METTL2A: variants seen among roughly 807,000 people sequenced by gnomAD.
The protein encoded by METTL2A is methyltransferase 2A, tRNA N3-cytidine.
In METTL2A, 45 loss-of-function variants were observed where a neutral mutation model predicts 49.4. The ratio of observed to expected loss-of-function variants is 0.91; its 90% CI spans 0.72 to 1.17. The LOEUF (loss-of-function observed/expected upper bound fraction) is 1.17. METTL2A is among the 50% of genes most tolerant of loss of function. The pLI, the probability that METTL2A is intolerant of heterozygous loss-of-function variation, is 0.00. For missense variants in METTL2A, 361 were observed against 462.2 expected, an observed-to-expected ratio of 0.78 and a Z score of 2.01; for synonymous variants, 118 against 167.5, an observed-to-expected ratio of 0.70 and a Z score of 2.28.
In METTL2A at chr17:62,451,133, A is replaced by G. The variant is rs1408198784; in HGVS notation, c.*2404A>G. Among the ~76,000 whole-genome samples the G allele has an allele frequency of 2.1e-5, 3 of 140,952 alleles. No individual in the cohort carries two copies. Among genetic ancestry groups the G allele is most frequent in the African/African-American group, 7.7e-5 (3 of 39,198 alleles). The allele number at this position is 140,952 out of a possible 152,430, so 92.5% of individuals were successfully genotyped here. A position where few individuals can be genotyped will look rare whatever the true frequency, so the allele number is the denominator to read the frequency against. On this transcript the variant is annotated 3_prime_UTR_variant, in exon 9 of 9. Coordinates refer to ENST00000311506, the MANE Select transcript of METTL2A (RefSeq NM_181725.4). ...TCAAGACCAGGCTGGGTAATGTAGC[A>G]AGACCCTGACTTTTTTTTTTTTTTT...
chr17:62,424,344 G>C, intron 2 of METTL2A, 34 bp downstream of exon 2: 1 of 1,613,170 alleles, frequency 6.2e-7, no homozygotes, highest in South Asian at 1.1e-5. Flanking sequence ...GGTATCAACA[G>C]CCAGCGTACT....
At position 62,444,847 on chromosome 17, in the gene METTL2A, G is replaced by C. The variant is rs1465735693; in HGVS notation, c.820G>C (p.Ala274Pro). The C allele has an allele frequency of 1.9e-6, 3 of 1,613,840 alleles. No homozygotes were observed. The highest frequency in any genetic ancestry group is 1.7e-6 in the Non-Finnish European group (2 of 1,179,872). ...SAIVPDKMQK[A>P]INRLSRLLKP... ...CCTGCTGCTCCACAGGATGCAGAAG[G>C]CTATCAACAGGCTGAGCAGGCTTCT... is the stretch of plus-strand genomic sequence containing the variant. The change falls in exon 7 of 9, where the codon GCT (alanine) becomes CCT (proline). Residue 274 changes from alanine to proline, a missense_variant. By Grantham distance (27) the Ala-to-Pro change is conservative. Coordinates refer to ENST00000311506, the MANE Select transcript of METTL2A (RefSeq NM_181725.4).
In METTL2A at chr17:62,424,290, G is replaced by A. The variant is rs2070607905; in HGVS notation, c.182G>A (p.Arg61Gln). 4.3e-6 allele frequency: 7 copies of A among 1,613,846 alleles called. No homozygotes were observed. Among genetic ancestry groups the A allele is most frequent in the Non-Finnish European group, 5.1e-6 (6 of 1,179,912 alleles). ...AAAGTCCAGGAGAACAGTATCCAGCGGGTGTGCCAGGAGAAACAAGGTGCG... is the reference window on the plus strand; with the variant it reads ...AAAGTCCAGGAGAACAGTATCCAGCAGGTGTGCCAGGAGAAACAAGGTGCG... ...ERKVQENSIQ[R>Q]VCQEKQVDYE... The change falls in exon 2 of 9, where the codon CGG becomes CAG. Residue 61 changes from arginine to glutamine, a missense_variant. Physicochemically the swap from Arg to Gln is conservative, Grantham distance 43. Coordinates refer to ENST00000311506, the MANE Select transcript of METTL2A (RefSeq NM_181725.4).
In METTL2A at chr17:62,427,949, C is replaced by T. The variant is rs898135908; in HGVS notation, c.608+112C>T. ...ACTTTGGGAGGCCAAAGCAGGATTGCTTGAGGCCAGGAGTGTGAGACCAGC... is the reference window on the plus strand; with the variant it reads ...ACTTTGGGAGGCCAAAGCAGGATTGTTTGAGGCCAGGAGTGTGAGACCAGC... On this transcript the variant is annotated intron_variant, in intron 4 of 8. Transcript: ENST00000311506. The T allele has an allele frequency of 3.4e-6, 4 of 1,181,152 alleles. No individual in the cohort carries two copies. In the African/African-American group the frequency reaches 6.2e-5, roughly 18 times the overall value. The allele number at this position is 1,181,152 out of a possible 1,614,324, so 73.2% of individuals were successfully genotyped here.
At position 62,452,791 on chromosome 17, in the gene METTL2A, G is replaced by A. The variant is rs903175440; in HGVS notation, c.*4062G>A. Among the ~76,000 whole-genome samples, 1 of 152,006 alleles carries A rather than the reference G, an allele frequency of 6.6e-6. No homozygotes were observed. The highest frequency in any genetic ancestry group is 1.5e-5 in the Non-Finnish European group (1 of 67,998). ...ACCAAGCCTAATTTTTGTATTTTTT[G>A]TAGAGACAGGGTTTCATCATGTGTC... On this transcript the variant is annotated 3_prime_UTR_variant, in exon 9 of 9. Transcript: ENST00000311506.
chr17:62,440,724 C>T lies in METTL2A; in HGVS notation c.777C>T (p.Leu259=), dbSNP rs2070734037. The change falls in exon 6 of 9, where the codon CTC becomes CTT. Residue 259 remains leucine (L), a synonymous_variant. Transcript: ENST00000311506. ...VPKGSLDIII[L]IFVLSAIVPD... is the part of the protein sequence containing the mutation. ...AGGGCAGTCTTGATATTATCATTCT[C>T]ATATTTGTTCTTTCAGCAATTGTTC... 1 of 1,613,920 alleles carries T rather than the reference C, an allele frequency of 6.2e-7. No homozygotes were observed. Among genetic ancestry groups the T allele is most frequent in the Non-Finnish European group, 8.5e-7 (1 of 1,179,968 alleles).
At chr17:62,442,038 G>A (rs1366616922) in intron 6 of METTL2A, among the ~76,000 whole-genome samples, 3 of 152,110 alleles carry the variant, frequency 2.0e-5, no homozygotes, top group African/African-American at 7.2e-5. Flanking sequence ...ACAGGCGTGA[G>A]CCACCACGCC....
At chr17:62,440,823 A>G in intron 6 of METTL2A, 67 bp downstream of exon 6, 2 of 1,558,862 alleles carry the variant, frequency 1.3e-6, no homozygotes, top group Non-Finnish European at 1.7e-6. Flanking sequence ...CTTTTTTTTT[A>G]AAATAGGTTC....
rs1302847545 is a variant in METTL2A, at chr17:62,452,557, A to G, written c.*3828A>G. Among the ~76,000 whole-genome samples the G allele has an allele frequency of 2.0e-5, 3 of 152,148 alleles. No individual in the cohort carries two copies. The highest frequency in any genetic ancestry group is 7.2e-5 in the African/African-American group (3 of 41,428). ...CTGATTGGTTGGTATTTTGTACAGA[A>G]AAGCTTTCTCATATCTGATTTACTT... On this transcript the variant is annotated 3_prime_UTR_variant, in exon 9 of 9. Transcript: ENST00000311506.
chr17:62,439,169 C>A (rs558564893), intron 5 of METTL2A, among the ~76,000 whole-genome samples: 1 of 151,120 alleles, frequency 6.6e-6, no homozygotes, highest in African/African-American at 2.4e-5. Context: ...TTAGTAGAGA[C>A]GGGGTTTCAC....
intron 7 of METTL2A, among the ~76,000 whole-genome samples, chr17:62,446,749 G>A (rs2144158404): frequency 6.6e-6 from 1 of 152,324 alleles, no homozygotes. Context: ...GAGATGTTGT[G>A]CTTGTCACCT....
intron 5 of METTL2A, among the ~76,000 whole-genome samples, chr17:62,435,534 C>A (rs1026714944): frequency 6.6e-6 from 1 of 152,158 alleles, no homozygotes; most frequent in Non-Finnish European, 1.5e-5. Context: ...GCAAGCCTAC[C>A]GGTGCCATTT....
At chr17:62,424,923 G>A (rs1233494543) in intron 2 of METTL2A, among the ~76,000 whole-genome samples, 1 of 151,386 alleles carries the variant, frequency 6.6e-6, no homozygotes, top group Non-Finnish European at 1.5e-5. Flanking sequence ...GACAATTGAA[G>A]ATAGGACTAC....
At chr17:62,438,526 G>A (rs1303625067) in intron 5 of METTL2A, among the ~76,000 whole-genome samples, 1 of 149,068 alleles carries the variant, frequency 6.7e-6, no homozygotes, top group Admixed American at 6.7e-5. Flanking sequence ...AGGTTGCAGT[G>A]AGCCGAGATC....
rs764853743 is a variant in METTL2A, at chr17:62,423,910, G to C, written c.8G>C (p.Gly3Ala). 5 of 1,612,816 alleles carry C rather than the reference G, an allele frequency of 3.1e-6. No individual in the cohort carries two copies. In the African/African-American group the frequency reaches 4.0e-5, roughly 13 times the overall value. MAGSYPEGAPAVL... is the reference protein window; with the variant it reads MAASYPEGAPAVL... Reference sequence around the variant, plus strand: ...GTTTCCGGCTCCGGTGTCATGGCCGGCTCCTACCCTGAAGGTGCACCTGCA... The same window carrying C: ...GTTTCCGGCTCCGGTGTCATGGCCGCCTCCTACCCTGAAGGTGCACCTGCA... The change falls in exon 1 of 9, where the codon GGC becomes GCC. Residue 3 changes from glycine (G) to alanine (A), a missense_variant. Gly to Ala is a moderately conservative substitution (Grantham distance 60). Around this residue, in one of 3 missense-constraint regions of METTL2A, gnomAD observed 150 missense variants for 170.1 expected, o/e 0.88. Coordinates refer to ENST00000311506, the MANE Select transcript of METTL2A (RefSeq NM_181725.4).
rs967073637 is a variant in METTL2A at position 62,426,297 on chromosome 17, A to C, written c.203-2A>C. The C allele has an allele frequency of 1.0e-5, 16 of 1,569,658 alleles. No individual in the cohort carries two copies. The African/African-American group carries it at 1.8e-4, about 17-fold the overall frequency. ...TTAAAATTTTTTCTTAAATATTTACAGTTGATTATGAGATCAATGCCCACA... is the reference window on the plus strand; with the variant it reads ...TTAAAATTTTTTCTTAAATATTTACCGTTGATTATGAGATCAATGCCCACA... On this transcript the variant is annotated splice_acceptor_variant, in intron 2 of 8. Coordinates refer to ENST00000311506, the MANE Select transcript of METTL2A (RefSeq NM_181725.4). LOFTEE classifies it high-confidence loss of function.
At chr17:62,434,210 G>C (rs1211232113) in intron 4 of METTL2A, among the ~76,000 whole-genome samples, 1 of 152,192 alleles carries the variant, frequency 6.6e-6, no homozygotes, top group Non-Finnish European at 1.5e-5. Flanking sequence ...GTAGCCACGT[G>C]TGAAATGTAT....
At chr17:62,428,021 G>C (rs574052220) in intron 4 of METTL2A, among the ~76,000 whole-genome samples, 184 bp downstream of exon 4, 1 of 152,310 alleles carries the variant, frequency 6.6e-6, no homozygotes, top group South Asian at 2.1e-4. Flanking sequence ...TTCAAAACTT[G>C]CTGCATCAAA....
intron 2 of METTL2A, among the ~76,000 whole-genome samples, chr17:62,424,800 G>A (rs1264165227): frequency 2.0e-5 from 3 of 151,836 alleles, no homozygotes; most frequent in African/African-American, 7.3e-5. Flanking sequence ...AGGAAAGGTG[G>A]ATGCAGCAGA....
Sources: allele counts gnomAD v4.1 joint callset (sites outside exome capture counted in the v4.1 genomes callset), GRCh38; gene constraint gnomAD v4.1.1; regional missense constraint gnomAD v4.1.1; transcripts MANE v1.5; gene names NCBI Gene and HGNC (gene_info 2026-07-23, HGNC 2026-07-21).